Variants in ATP11C observed in about 807,000 individuals in gnomAD.
The protein encoded by ATP11C is phospholipid-transporting ATPase IG.
In ATP11C, 36 loss-of-function variants were observed where a neutral mutation model predicts 97.4. The ratio of observed to expected loss-of-function variants is 0.37; its 90% CI spans 0.28 to 0.49. The LOEUF (loss-of-function observed/expected upper bound fraction) is 0.49. Among genes scored for constraint, ATP11C ranks in the 20% least tolerant of loss-of-function variants. The pLI is 0.98. For synonymous variants in ATP11C, 275 were observed against 290.9 expected (o/e 0.95, Z 0.56); for missense variants, 730 against 824.6 (o/e 0.89, Z 1.40).
chrX:139,769,307 T>C (rs189977988), intron 19 of ATP11C, among the ~76,000 whole-genome samples: 1 of 73,991 alleles, frequency 1.4e-5, no homozygotes, highest in African/African-American at 5.7e-5. Flanking sequence ...TATATATATA[T>C]ATATATATAT....
At chrX:139,925,228 C>T (rs2085332094) in intron 1 of ATP11C, among the ~76,000 whole-genome samples, 1 of 111,970 alleles carries the variant, frequency 8.9e-6, no homozygotes, top group Non-Finnish European at 1.9e-5. Context: ...GAGTCTGTCA[C>T]CCAAGACTTG....
At chrX:139,737,367 G>A (rs1028758874) in intron 28 of ATP11C, among the ~76,000 whole-genome samples, 3 of 111,202 alleles carry the variant, frequency 2.7e-5, no homozygotes, top group Non-Finnish European at 3.8e-5. Context: ...GAATTTTTAC[G>A]AGTGTGTTCC....
chrX:139,822,206 T>G (rs759126142), intron 2 of ATP11C, among the ~76,000 whole-genome samples: 2 of 112,220 alleles, frequency 1.8e-5, no homozygotes, highest in Non-Finnish European at 3.8e-5. Context: ...TAGTATTTAT[T>G]TATTTATTGA....
intron 1 of ATP11C, among the ~76,000 whole-genome samples, chrX:139,907,744 T>C (rs768163755): frequency 2.0e-4 from 21 of 107,654 alleles, no homozygotes; most frequent in Middle Eastern, 4.7e-3. Context: ...CGACACTCTG[T>C]CTCAAAAAAA....
At chrX:139,848,590 C>T (rs2083944534) in intron 1 of ATP11C, among the ~76,000 whole-genome samples, 1 of 109,987 alleles carries the variant, frequency 9.1e-6, no homozygotes, top group South Asian at 3.9e-4. Context: ...GCCTTGAACA[C>T]CTGGGCTCAA....
At chrX:139,808,433 T>C (rs1327408478) in intron 5 of ATP11C, among the ~76,000 whole-genome samples, 5 of 111,855 alleles carry the variant, frequency 4.5e-5, no homozygotes, top group Non-Finnish European at 9.4e-5. Context: ...AGGTATATCA[T>C]AGTCAAACTG....
In ATP11C at chrX:139,932,580, C is replaced by T. The variant is rs2085459297; in HGVS notation, c.-538G>A. On this transcript the variant is annotated 5_prime_UTR_variant, in exon 1 of 30. Transcript: ENST00000682941. Reference sequence around the variant, plus strand: ...ACCCCGCGCCTCACCTCGCCTCAGCCCGACACTACTCCCCTGTCTCTGTCG... The same window carrying T: ...ACCCCGCGCCTCACCTCGCCTCAGCTCGACACTACTCCCCTGTCTCTGTCG... 1 of 111,461 alleles carries T rather than the reference C, an allele frequency of 9.0e-6. No homozygotes were observed. Among genetic ancestry groups the T allele is most frequent in the Admixed American group, 9.3e-5 (1 of 10,733 alleles). The allele number at this position is 111,461 out of a possible 1,213,427, so 9.2% of individuals were successfully genotyped here.
At chrX:139,731,507 G>A (rs2081339625) in intron 29 of ATP11C, 144 bp downstream of exon 29, 1 of 237,134 alleles carries the variant, frequency 4.2e-6, no homozygotes. Flanking sequence ...TCCAAGTAAT[G>A]CATCTTTATA....
intron 1 of ATP11C, among the ~76,000 whole-genome samples, chrX:139,899,476 C>CAA (rs767608156): frequency 1.7e-5 from 1 of 59,531 alleles, no homozygotes; most frequent in Non-Finnish European, 3.3e-5. Flanking sequence ...GACTGCGTCT[C>CAA]AAAAAAAAAA....
At chrX:139,829,513 A>T (rs1482140256) in intron 1 of ATP11C, among the ~76,000 whole-genome samples, 1 of 111,844 alleles carries the variant, frequency 8.9e-6, no homozygotes, top group African/African-American at 3.3e-5. Context: ...AATCATTTTT[A>T]AAATTCCCAT....
At chrX:139,750,177 A>G (rs2081782340) in intron 23 of ATP11C, 25 bp from the exon 24 acceptor site, 1 of 1,149,468 alleles carries the variant, frequency 8.7e-7, no homozygotes, top group African/African-American at 1.8e-5. Flanking sequence ...AACAGAGGAA[A>G]GAAAGAAATT....
At chrX:139,743,261 G>A (rs1485595994) in intron 26 of ATP11C, among the ~76,000 whole-genome samples, 1 of 109,119 alleles carries the variant, frequency 9.2e-6, no homozygotes, top group Non-Finnish European at 1.9e-5. Flanking sequence ...TTATCATAAC[G>A]CCTTAAAAAC....
intron 2 of ATP11C, among the ~76,000 whole-genome samples, chrX:139,822,081 A>G (rs2083421855): frequency 1.9e-5 from 2 of 106,833 alleles, no homozygotes; most frequent in Admixed American, 2.0e-4. Context: ...CATGACCTCT[A>G]TGGCAAAAAA....
In ATP11C at chrX:139,787,207, T is replaced by C; in HGVS notation, c.1558A>G (p.Met520Val). The C allele has an allele frequency of 1.7e-6, 2 of 1,192,100 alleles. No homozygotes were observed. The highest frequency in any genetic ancestry group is 1.8e-5 in the South Asian group (1 of 56,131). Reference sequence around the variant, plus strand: ...TCTTTTCTTTGGTTCTCTACTCTCATATATCCATTTCGATTTCCTAAAAAT... The same window carrying C: ...TCTTTTCTTTGGTTCTCTACTCTCACATATCCATTTCGATTTCCTAAAAAT... ...FTFLGNRNGYMRVENQRKEIE... is the reference protein window; with the variant it reads ...FTFLGNRNGYVRVENQRKEIE... Residue 520 changes from methionine to valine, a missense_variant, in exon 15 of 30, where the codon ATG becomes GTG. Coordinates refer to ENST00000682941, the MANE Select transcript of ATP11C (RefSeq NM_001353812.2).
At chrX:139,811,929 TA>T (rs1215130535) in intron 5 of ATP11C, among the ~76,000 whole-genome samples, 1 of 112,261 alleles carries the variant, frequency 8.9e-6, no homozygotes, top group Non-Finnish European at 1.9e-5. Context: ...CTACTATTTT[TA>T]TTATTGTTAT....
At chrX:139,738,984 C>G (rs144425840) in intron 27 of ATP11C, among the ~76,000 whole-genome samples, 1 of 111,298 alleles carries the variant, frequency 9.0e-6, no homozygotes, top group Non-Finnish European at 1.9e-5. Flanking sequence ...TGTCTATGCA[C>G]CCTTATGTAA....
chrX:139,763,160 A>C (rs1240318440), intron 21 of ATP11C, among the ~76,000 whole-genome samples, 156 bp downstream of exon 21: 1 of 112,611 alleles, frequency 8.9e-6, no homozygotes, highest in Non-Finnish European at 1.9e-5. Context: ...GACATGTTGC[A>C]TGATCAGATG....
intron 1 of ATP11C, among the ~76,000 whole-genome samples, chrX:139,857,236 A>C (rs1288956652): frequency 9.0e-6 from 1 of 111,530 alleles, no homozygotes; most frequent in African/African-American, 3.3e-5. Context: ...TATCCAGAGA[A>C]GCTTCTTCTT....
intron 20 of ATP11C, among the ~76,000 whole-genome samples, chrX:139,765,092 C>T (rs930170898): frequency 1.8e-5 from 2 of 110,675 alleles, no homozygotes; most frequent in Admixed American, 9.6e-5. Context: ...TAAAACTCTC[C>T]ACTGTAGAAA....
Sources: allele counts gnomAD v4.1 joint callset (sites outside exome capture counted in the v4.1 genomes callset), GRCh38; gene constraint gnomAD v4.1.1; transcripts MANE v1.5; gene names NCBI Gene and HGNC (gene_info 2026-07-23, HGNC 2026-07-21).